Variants in ZNF100 observed in about 807,000 individuals in gnomAD.
The protein encoded by ZNF100 is zinc finger protein 100, also known as zinc finger protein 100 (Y1).
ZNF100 carries 12 observed loss-of-function variants against 15.8 expected under a neutral mutation model. The ratio of observed to expected loss-of-function variants is 0.76; its 90% confidence interval spans 0.49 to 1.23. The LOEUF (loss-of-function observed/expected upper bound fraction) is 1.23, where lower values mean the gene tolerates loss of function less well. ZNF100 is among the 50% of genes most tolerant of loss of function. The probability of loss-of-function intolerance (pLI) is 0.00; values close to 1 mark genes in which losing one functional copy is unlikely to be tolerated. For missense variants in ZNF100, 670 were observed against 635.6 expected (o/e 1.05, Z -0.58); for synonymous variants, 226 against 214.8 (o/e 1.05, Z -0.45).
At chr19:21,767,348 A>G in intron 1 of ZNF100, 79 bp downstream of exon 1, 1 of 1,610,292 alleles carries the variant, frequency 6.2e-7, no homozygotes, top group Non-Finnish European at 8.5e-7. Context: ...GAGAGGCCTG[A>G]GTCCCGCCAC....
At chr19:21,752,511 T>C (rs543214725) in intron 2 of ZNF100, 1 of 152,798 alleles carries the variant, frequency 6.5e-6, no homozygotes, top group East Asian at 1.9e-4. Flanking sequence ...TCATTCATAT[T>C]CTTTGCAAGC....
At chr19:21,739,815 CTGTCTCTAATAAATAAAA>C (rs1020957669) in intron 4 of ZNF100, among the ~76,000 whole-genome samples, 1 of 152,034 alleles carries the variant, frequency 6.6e-6, no homozygotes, top group African/African-American at 2.4e-5. Context: ...AATAAATAAA[CTGTCTCTAATAAATAAAA>C]TAAAATAAAA....
intron 2 of ZNF100, among the ~76,000 whole-genome samples, chr19:21,749,944 C>T (rs2036274495): frequency 6.6e-6 from 1 of 151,084 alleles, no homozygotes; most frequent in African/African-American, 2.4e-5. Context: ...TGGGATCAAT[C>T]TGACTCTGCA....
chr19:21,729,516 T>C (rs1464982378), intron 4 of ZNF100, among the ~76,000 whole-genome samples: 6 of 151,956 alleles, frequency 3.9e-5, no homozygotes, highest in Non-Finnish European at 7.4e-5. Flanking sequence ...CATGTATACA[T>C]ATGTAACAAA....
chr19:21,740,366 G>GA (rs1285972830), intron 4 of ZNF100, among the ~76,000 whole-genome samples: 3 of 151,868 alleles, frequency 2.0e-5, no homozygotes, highest in African/African-American at 4.8e-5. Flanking sequence ...GAACAAAATA[G>GA]AAAAAAGTCA....
intron 4 of ZNF100, among the ~76,000 whole-genome samples, chr19:21,738,760 A>G (rs2036055504): frequency 6.6e-6 from 1 of 152,166 alleles, no homozygotes; most frequent in African/African-American, 2.4e-5. Context: ...CCTGACCAAC[A>G]TGGTGAAATC....
rs757561601 is a variant in ZNF100, at chr19:21,727,217, T to C, written c.1095A>G (p.Ile365Met). Residue 365 changes from isoleucine (I) to methionine (M), a missense_variant, in exon 5 of 5, where the codon ATA becomes ATG. Physicochemically the swap from Ile to Met is conservative, Grantham distance 10. Transcript: ENST00000358296. ...NQSSTLTTHK[I>M]THAGEKPYKC... ...TGTAAGGTTTCTCTCCAGCATGAGT[T>C]ATCTTATGTGTAGTAAGGGTTGAGG... 1.2e-6 allele frequency: 2 copies of C among 1,612,956 alleles called. No individual in the cohort carries two copies. Among genetic ancestry groups the C allele is most frequent in the South Asian group, 1.1e-5 (1 of 91,026 alleles).
intron 4 of ZNF100, among the ~76,000 whole-genome samples, chr19:21,733,945 G>A (rs1261661459): frequency 6.6e-6 from 1 of 152,366 alleles, no homozygotes; most frequent in East Asian, 1.9e-4. Flanking sequence ...ATCTGAAGTG[G>A]ATCCCAAGCA....
At chr19:21,732,028 G>A (rs1374012918) in intron 4 of ZNF100, among the ~76,000 whole-genome samples, 3 of 152,252 alleles carry the variant, frequency 2.0e-5, no homozygotes, top group Non-Finnish European at 2.9e-5. Flanking sequence ...CAAGGTGGGC[G>A]GATCACAAGG....
chr19:21,745,105 C>T (rs555200297), intron 2 of ZNF100, 38 bp from the exon 3 acceptor site: 4 of 1,570,760 alleles, frequency 2.5e-6, no homozygotes, highest in Non-Finnish European at 2.6e-6. Context: ...ATATATTTAC[C>T]AAGTGGCCAT....
chr19:21,756,539 T>G (rs116579333), intron 2 of ZNF100, among the ~76,000 whole-genome samples: 2,877 of 152,106 alleles, frequency 0.019, 91 homozygotes, highest in African/African-American at 0.063. Flanking sequence ...CCCAGGAATG[T>G]GAAAGATCTC....
rs1343949441 is a variant in ZNF100, at chr19:21,724,732, ATAAT to A, written c.*1947_*1950del. ...TATATACTCATATTATGTACCCCAA[ATAAT>A]TAAGAAAAATAAATTTAAATAAAAT... On this transcript the variant is annotated 3_prime_UTR_variant, in exon 5 of 5. Transcript: ENST00000358296. 1.3e-5 allele frequency: 2 copies of A among 152,164 alleles called. No homozygotes were observed. Among genetic ancestry groups the A allele is most frequent in the African/African-American group, 4.8e-5 (2 of 41,458 alleles). The allele number at this position is 152,164 out of a possible 1,614,324, so 9.4% of individuals were successfully genotyped here.
At position 21,723,783 on chromosome 19, in the gene ZNF100, C is replaced by G. The variant is rs1353122448; in HGVS notation, c.*2900G>C. ...TGCTACATTTAAATATAAAAACATC[C>G]TCACGACTTATAAAGCTTCCCTAGT... On this transcript the variant is annotated 3_prime_UTR_variant, in exon 5 of 5. Transcript: ENST00000358296. 6.6e-6 allele frequency: 1 copy of G among 152,120 alleles called. No homozygotes were observed. Among genetic ancestry groups the G allele is most frequent in the Non-Finnish European group, 1.5e-5 (1 of 68,034 alleles). The allele number at this position is 152,120 out of a possible 1,614,324, so 9.4% of individuals were successfully genotyped here.
At chr19:21,752,704 T>C (rs1312849156) in intron 2 of ZNF100, 1 of 152,294 alleles carries the variant, frequency 6.6e-6, no homozygotes, top group African/African-American at 2.4e-5. Flanking sequence ...CCAATGAACA[T>C]GGTGGTTCAG....
At chr19:21,746,690 T>C (rs1252467421) in intron 2 of ZNF100, 1 of 151,962 alleles carries the variant, frequency 6.6e-6, no homozygotes, top group African/African-American at 2.4e-5. Context: ...TGACTATCAT[T>C]AGAATTTTAA....
rs982465178 is a variant in ZNF100 at position 21,724,560 on chromosome 19, T to C, written c.*2123A>G. 2 of 152,182 alleles carry C rather than the reference T, an allele frequency of 1.3e-5. No individual in the cohort carries two copies. Among genetic ancestry groups the C allele is most frequent in the Non-Finnish European group, 2.9e-5 (2 of 68,032 alleles). 9.4% of individuals were successfully genotyped at this position (152,182 alleles called of 1,614,324 possible). A position where few individuals can be genotyped will look rare whatever the true frequency, so the allele number is the denominator to read the frequency against. ...AACACTGTAATCAATAACAATTTAA[T>C]TTTACATTTTAAAATAACTAAAAGT... On this transcript the variant is annotated 3_prime_UTR_variant, in exon 5 of 5. Coordinates refer to ENST00000358296, the MANE Select transcript of ZNF100 (RefSeq NM_173531.4).
intron 4 of ZNF100, 87 bp downstream of exon 4, chr19:21,743,930 C>A: frequency 7.7e-7 from 1 of 1,305,758 alleles, no homozygotes; most frequent in South Asian, 1.7e-5. Flanking sequence ...TGGAACATAG[C>A]TTCCCAAACC....
At chr19:21,742,299 A>G (rs903097947) in intron 4 of ZNF100, among the ~76,000 whole-genome samples, 113 of 111,598 alleles carry the variant, frequency 1.0e-3, no homozygotes, top group African/African-American at 4.2e-3. Flanking sequence ...TCTGTCCCCC[A>G]CCCAAAAAAA....
intron 2 of ZNF100, among the ~76,000 whole-genome samples, chr19:21,760,227 G>A (rs2036459989): frequency 6.7e-6 from 1 of 150,056 alleles, no homozygotes; most frequent in South Asian, 2.1e-4. Context: ...ATGACTAAGT[G>A]TATGTTATTA....
Sources: gnomAD v4.1 joint callset for allele counts (sites outside exome capture counted in the v4.1 genomes callset) on GRCh38, gnomAD v4.1.1 for gene constraint, MANE v1.5 for transcripts, NCBI Gene and HGNC (gene_info 2026-07-23, HGNC 2026-07-21) for gene names.